LMNB1: variants seen among roughly 807,000 people sequenced by gnomAD.
The protein encoded by LMNB1 is lamin-B1.
A neutral mutation model predicts 67.1 loss-of-function variants in LMNB1; 23 were observed. The ratio of observed to expected loss-of-function variants is 0.34; its 90% CI spans 0.25 to 0.49. The LOEUF (loss-of-function observed/expected upper bound fraction) is 0.49, where lower values mean the gene tolerates loss of function less well. LMNB1 is among the 20% of genes least tolerant of loss of function. The pLI is 0.99. For missense variants in LMNB1, 634 were observed against 746.5 expected, an observed-to-expected ratio of 0.85 and a Z score of 1.76; for synonymous variants, 281 against 282.9, an observed-to-expected ratio of 0.99 and a Z score of 0.07.
At chr5:126,797,415 A>T (rs923882393) in intron 1 of LMNB1, among the ~76,000 whole-genome samples, 4 of 152,206 alleles carry the variant, frequency 2.6e-5, no homozygotes, top group African/African-American at 4.8e-5. Context: ...TTAATCAGGC[A>T]GGTGGATAAC....
In LMNB1 at chr5:126,836,077, G is replaced by T. The variant is rs958138142; in HGVS notation, c.1720-146G>T. 4.7e-6 allele frequency: 3 copies of T among 644,346 alleles called. No individual in the cohort carries two copies. The African/African-American group carries it at 5.5e-5, about 12-fold the overall frequency. The allele number at this position is 644,346 out of a possible 1,614,324, so 39.9% of individuals were successfully genotyped here. On this transcript the variant is annotated intron_variant, in intron 10 of 10. Coordinates refer to ENST00000261366, the MANE Select transcript of LMNB1 (RefSeq NM_005573.4). ...ACAAAGAAAAAGAAAAAAAGAAAAG[G>T]TTAGAAAAGATGAGAGATGATAAAG... is the stretch of plus-strand genomic sequence containing the variant.
intron 7 of LMNB1, among the ~76,000 whole-genome samples, chr5:126,822,507 C>T (rs186193720): frequency 4.4e-4 from 67 of 152,320 alleles, no homozygotes; most frequent in Non-Finnish European, 7.2e-4. Flanking sequence ...CCTTATCTAG[C>T]AGTGAATTTG....
chr5:126,830,291 C>T (rs992669316), intron 9 of LMNB1, among the ~76,000 whole-genome samples: 2 of 152,168 alleles, frequency 1.3e-5, no homozygotes, highest in Non-Finnish European at 2.9e-5. Flanking sequence ...GCAGCAGGGG[C>T]GGACCAATGC....
rs1263108349 is a variant in LMNB1 at position 126,822,858 on chromosome 5, T to C, written c.1464T>C (p.Tyr488=). The C allele has an allele frequency of 1.2e-6, 2 of 1,608,524 alleles. No individual in the cohort carries two copies. Among genetic ancestry groups the C allele is most frequent in the Middle Eastern group, 1.6e-4 (1 of 6,066 alleles). The change falls in exon 8 of 11, where the codon TAT becomes TAC. Residue 488 remains tyrosine, a synonymous_variant. Transcript: ENST00000261366. ...TSVSYKYTSR[Y]VLKAGQTVTI... is the part of the protein sequence containing the mutation. ...TCAGTTATAAATATACCTCAAGATA[T>C]GTGCTGAAGGCAGGCCAGACTGTTA...
intron 7 of LMNB1, 82 bp from the exon 8 acceptor site, chr5:126,822,699 C>G (rs1353775113): frequency 4.9e-6 from 4 of 809,266 alleles, no homozygotes; most frequent in Middle Eastern, 2.3e-4. Context: ...GTTTAACTGC[C>G]TGTATGGATT....
rs1209434974 is a variant in LMNB1, at chr5:126,822,829, T to C, written c.1435T>C (p.Ser479Pro). Residue 479 changes from serine to proline, a missense_variant, in exon 8 of 11, where the codon TCA (serine) becomes CCA (proline). By Grantham distance (74) the Ser-to-Pro change is moderately conservative. Transcript: ENST00000261366. ...GATGATCAGAAAAATTGGAGACACA[T>C]CAGTCAGTTATAAATATACCTCAAG... is the stretch of plus-strand genomic sequence containing the variant. ...WEMIRKIGDT[S>P]VSYKYTSRYV... 1 of 1,613,200 alleles carries C rather than the reference T, an allele frequency of 6.2e-7. No individual in the cohort carries two copies. Among genetic ancestry groups the C allele is most frequent in the African/African-American group, 1.3e-5 (1 of 74,996 alleles).
chr5:126,819,249 T>C (rs1751801171), intron 6 of LMNB1, 107 bp downstream of exon 6: 7 of 745,420 alleles, frequency 9.4e-6, no homozygotes, highest in Middle Eastern at 6.9e-4. Context: ...ATTTTCTTGG[T>C]CATTTCTTTG....
chr5:126,804,788 G>A lies in LMNB1; in HGVS notation c.372G>A (p.Lys124=). The A allele has an allele frequency of 5.6e-6, 9 of 1,613,852 alleles. No individual in the cohort carries two copies. The highest frequency in any genetic ancestry group is 7.6e-6 in the Non-Finnish European group (9 of 1,179,908). ...HDQLLLNYAK[K]ESDLNGAQIK... ...AAATCTGTTCCAGCTATGCTAAGAA[G>A]GAATCTGATCTTAATGGCGCCCAGA... is the stretch of plus-strand genomic sequence containing the variant. The change falls in exon 2 of 11, where the codon AAG becomes AAA. Residue 124 remains lysine, a synonymous_variant. Coordinates refer to ENST00000261366, the MANE Select transcript of LMNB1 (RefSeq NM_005573.4).
chr5:126,793,477 G>GA (rs1751016008), intron 1 of LMNB1, among the ~76,000 whole-genome samples: 1 of 152,222 alleles, frequency 6.6e-6, no homozygotes, highest in Non-Finnish European at 1.5e-5. Context: ...GTGAGTAGCA[G>GA]AATTTTATTG....
intron 1 of LMNB1, among the ~76,000 whole-genome samples, chr5:126,783,369 AAAT>A (rs1750681161): frequency 7.5e-6 from 1 of 133,310 alleles, no homozygotes; most frequent in Non-Finnish European, 1.7e-5. Flanking sequence ...TTATAACTTA[AAAT>A]ATAAGAGTTA....
chr5:126,779,022 G>C (rs1004694029), intron 1 of LMNB1, among the ~76,000 whole-genome samples: 2 of 152,202 alleles, frequency 1.3e-5, no homozygotes, highest in African/African-American at 4.8e-5. Flanking sequence ...ATTTGGGTCT[G>C]AAATTCATGG....
At chr5:126,798,644 G>A (rs947895937) in intron 1 of LMNB1, among the ~76,000 whole-genome samples, 1 of 152,030 alleles carries the variant, frequency 6.6e-6, no homozygotes, top group Non-Finnish European at 1.5e-5. Context: ...TTTCTTCTTG[G>A]AAGAGACATG....
intron 5 of LMNB1, chr5:126,815,034 T>G (rs369326918): frequency 6.6e-6 from 1 of 152,222 alleles, no homozygotes; most frequent in African/African-American, 2.4e-5. Flanking sequence ...CTCTGTTCAT[T>G]ATTGGTAACA....
chr5:126,813,496 G>A (rs1442972407), intron 5 of LMNB1, among the ~76,000 whole-genome samples: 1 of 151,910 alleles, frequency 6.6e-6, no homozygotes, highest in Non-Finnish European at 1.5e-5. Flanking sequence ...TTTTTCCATT[G>A]CACCATCTGT....
intron 1 of LMNB1, among the ~76,000 whole-genome samples, chr5:126,784,260 C>G (rs1323310313): frequency 6.6e-6 from 1 of 151,914 alleles, no homozygotes; most frequent in African/African-American, 2.4e-5. Context: ...AATTCCCAAC[C>G]TTGGATGATC....
intron 4 of LMNB1, 50 bp downstream of exon 4, chr5:126,810,400 C>T (rs1751553733): frequency 3.6e-6 from 5 of 1,383,206 alleles, no homozygotes; most frequent in Non-Finnish European, 5.0e-6. Context: ...CATTACTTCA[C>T]AATTCCCATG....
intron 1 of LMNB1, among the ~76,000 whole-genome samples, chr5:126,803,238 C>G (rs1309532450): frequency 2.6e-5 from 4 of 151,240 alleles, no homozygotes; most frequent in Non-Finnish European, 5.9e-5. Context: ...TGAACCTCAG[C>G]TTGTTTTTTG....
chr5:126,829,897 G>A (rs2973595), intron 9 of LMNB1, among the ~76,000 whole-genome samples: 86,695 of 151,816 alleles, frequency 0.57, 24,835 homozygotes, highest in South Asian at 0.6. Context: ...TCAGGAGGGA[G>A]GGGGCACTGG....
Position 126,805,156 on chromosome 5 carries a change from CCTT to C in LMNB1, c.516+232_516+234del, listed in dbSNP as rs761060772. ...CTGGATTGGCCAGATCTTGTGGTTC[CCTT>C]CTTCTTCCCTATTGTGCACACACTC... On this transcript the variant is annotated intron_variant, in intron 2 of 10. Coordinates refer to ENST00000261366, the MANE Select transcript of LMNB1 (RefSeq NM_005573.4). Among the ~76,000 whole-genome samples, 6 of 152,264 alleles carry C rather than the reference CCTT, an allele frequency of 3.9e-5. No homozygotes were observed. The South Asian group carries it at 1.0e-3, about 26-fold the overall frequency.
Sources: allele counts gnomAD v4.1 joint callset (sites outside exome capture counted in the v4.1 genomes callset), GRCh38; gene constraint gnomAD v4.1.1; transcripts MANE v1.5; gene names NCBI Gene and HGNC (gene_info 2026-07-23, HGNC 2026-07-21).